The following TSHR variants were observed in gnomAD, a reference collection of about 807,000 sequenced individuals.
TSHR encodes thyroid stimulating hormone receptor.
TSHR carries 51 observed loss-of-function variants against 64.1 expected under a neutral mutation model. The ratio of observed to expected loss-of-function variants is 0.80; its 90% CI spans 0.64 to 1.01. The LOEUF (loss-of-function observed/expected upper bound fraction) is 1.01. TSHR is among the 50% of genes least tolerant of loss of function. TSHR has a pLI of 0.00. For synonymous variants in TSHR, 361 were observed against 361.9 expected (o/e 1.00, Z 0.03); for missense variants, 877 against 942.8 (o/e 0.93, Z 0.91).
chr14:81,133,083 T>C (rs145134757), intron 8 of TSHR, among the ~76,000 whole-genome samples: 58 of 152,354 alleles, frequency 3.8e-4, no homozygotes, highest in African/African-American at 1.4e-3. Context: ...TGTGGCTCAG[T>C]ACTCAACAAG....
At position 80,971,778 on chromosome 14, in the gene TSHR, G is replaced by T. The variant is rs1887602675; in HGVS notation, c.170+15928G>T. On this transcript the variant is annotated intron_variant, in intron 1 of 9. Transcript: ENST00000298171. Reference sequence around the variant, plus strand: ...AAACCTTGTATCCAATGATCTTCAAGAAGCCTTGGATTTCTGTTTACCAGT... The same window carrying T: ...AAACCTTGTATCCAATGATCTTCAATAAGCCTTGGATTTCTGTTTACCAGT... Among the ~76,000 whole-genome samples, 3 of 152,272 alleles carry T rather than the reference G, an allele frequency of 2.0e-5. No individual in the cohort carries two copies. In the South Asian group the frequency reaches 6.2e-4, roughly 32 times the overall value.
intron 1 of TSHR, among the ~76,000 whole-genome samples, chr14:81,004,835 A>C (rs1363544098): frequency 6.6e-6 from 1 of 152,218 alleles, no homozygotes; most frequent in Non-Finnish European, 1.5e-5. Flanking sequence ...CATATGTATG[A>C]GCAGGATGCC....
In TSHR at chr14:81,143,361, G is replaced by T; in HGVS notation, c.1303G>T (p.Val435Phe). Residue 435 changes from valine to phenylalanine, a missense_variant, in exon 10 of 10, where the codon GTC becomes TTC. Transcript: ENST00000298171. ...GCTGGCTCTCCTGGGCAATGTCTTT[G>T]TCCTGCTTATTCTCCTCACCAGCCA... ...SLLALLGNVF[V>F]LLILLTSHYK... is the part of the protein sequence containing the mutation. 1 of 1,614,158 alleles carries T rather than the reference G, an allele frequency of 6.2e-7. No homozygotes were observed. The highest frequency in any genetic ancestry group is 8.5e-7 in the Non-Finnish European group (1 of 1,180,032).
intron 1 of TSHR, among the ~76,000 whole-genome samples, chr14:80,965,273 AC>A (rs1174507170): frequency 1.3e-5 from 2 of 152,192 alleles, no homozygotes; most frequent in Non-Finnish European, 2.9e-5. Flanking sequence ...CAGTTTGCCA[AC>A]ATTCTGCATT....
intron 1 of TSHR, chr14:80,995,039 A>C (rs1475449083): frequency 2.0e-5 from 3 of 152,220 alleles, no homozygotes. Context: ...ACTTAAATTT[A>C]CAAAGAAAAA....
At chr14:81,000,179 G>A (rs189134696) in intron 1 of TSHR, among the ~76,000 whole-genome samples, 15 of 152,110 alleles carry the variant, frequency 9.9e-5, no homozygotes, top group African/African-American at 2.7e-4. Context: ...CAATCCGCCC[G>A]CCTTGGCCTC....
At chr14:81,115,279 T>C (rs1165228924) in intron 8 of TSHR, among the ~76,000 whole-genome samples, 12 of 151,578 alleles carry the variant, frequency 7.9e-5, no homozygotes, top group Non-Finnish European at 4.4e-5. Flanking sequence ...TTGAAAACTT[T>C]GAAAAAAATT....
At chr14:81,129,973 G>C (rs78822055) in intron 8 of TSHR, among the ~76,000 whole-genome samples, 2 of 151,934 alleles carry the variant, frequency 1.3e-5, no homozygotes, top group Non-Finnish European at 2.9e-5. Flanking sequence ...ACAATGTTTC[G>C]TGAATATGGA....
intron 3 of TSHR, among the ~76,000 whole-genome samples, chr14:81,079,141 G>C (rs1887711243): frequency 6.6e-6 from 1 of 152,186 alleles, no homozygotes; most frequent in Non-Finnish European, 1.5e-5. Context: ...CCCCTGGGTA[G>C]TAACTTCAGC....
At chr14:81,136,194 C>T (rs1317420779) in intron 8 of TSHR, among the ~76,000 whole-genome samples, 1 of 152,124 alleles carries the variant, frequency 6.6e-6, no homozygotes, top group Non-Finnish European at 1.5e-5. Flanking sequence ...AGTGACATTA[C>T]TCAATTCATA....
At chr14:81,007,164 A>G (rs151057506) in intron 1 of TSHR, among the ~76,000 whole-genome samples, 3 of 152,232 alleles carry the variant, frequency 2.0e-5, no homozygotes, top group Non-Finnish European at 4.4e-5. Flanking sequence ...AATTAGATTT[A>G]TATGAGGTCA....
At chr14:81,122,745 A>T (rs928831892) in intron 8 of TSHR, among the ~76,000 whole-genome samples, 1 of 152,206 alleles carries the variant, frequency 6.6e-6, no homozygotes, top group Admixed American at 6.5e-5. Context: ...GGGACATCAG[A>T]CACCAGACTG....
chr14:81,010,079 C>T (rs372359561), intron 1 of TSHR, among the ~76,000 whole-genome samples: 91 of 152,162 alleles, frequency 6.0e-4, no homozygotes, highest in African/African-American at 1.5e-3. Flanking sequence ...ATTCTTCTTG[C>T]TCTCATTTTC....
At chr14:81,109,927 C>A (rs1480993236) in intron 8 of TSHR, among the ~76,000 whole-genome samples, 2 of 152,136 alleles carry the variant, frequency 1.3e-5, no homozygotes, top group Non-Finnish European at 2.9e-5. Context: ...AATTTTTAAC[C>A]TGGAAGATAT....
At chr14:81,014,403 A>G (rs1450145947) in intron 1 of TSHR, 3 of 152,212 alleles carry the variant, frequency 2.0e-5, no homozygotes, top group African/African-American at 7.2e-5. Flanking sequence ...GGAAATTTGT[A>G]TCTAGGGGAT....
chr14:80,980,896 C>G (rs1357238548), intron 1 of TSHR, among the ~76,000 whole-genome samples: 1 of 152,156 alleles, frequency 6.6e-6, no homozygotes. Flanking sequence ...TCTGTCTAAT[C>G]CATTTCTGTT....
At chr14:80,991,366 C>T (rs923866473) in intron 1 of TSHR, among the ~76,000 whole-genome samples, 1 of 152,150 alleles carries the variant, frequency 6.6e-6, no homozygotes, top group African/African-American at 2.4e-5. Flanking sequence ...GAATATTTTT[C>T]TTCAGCAGAA....
At position 80,955,736 on chromosome 14, in the gene TSHR, T is replaced by C. The variant is rs1296628682; in HGVS notation, c.56T>C (p.Leu19Pro). The change falls in exon 1 of 10, where the codon CTG (leucine) becomes CCG (proline). Residue 19 changes from leucine (L) to proline (P), a missense_variant. Leu to Pro is a moderately conservative substitution (Grantham distance 98). Transcript: ENST00000298171. ...CTGCTGCTCGACCTGCCCAGGGACC[T>C]GGGCGGAATGGGGTGTTCGTCTCCA... ...LVLLLDLPRDLGGMGCSSPPC... is the reference protein window; with the variant it reads ...LVLLLDLPRDPGGMGCSSPPC... 2.9e-5 allele frequency: 47 copies of C among 1,614,030 alleles called. 1 individual carries two copies. Among genetic ancestry groups the C allele is most frequent in the Non-Finnish European group, 4.0e-5 (47 of 1,180,028 alleles).
rs184572612 is a variant in TSHR at position 81,068,969 on chromosome 14, G to A, written c.317+641G>A. 2.0e-4 allele frequency among the ~76,000 whole-genome samples: 30 copies of A among 152,082 alleles called. 1 individual carries two copies. The highest frequency in any genetic ancestry group is 1.7e-3 in the South Asian group (8 of 4,816). ...AAAAATAGAATAATTTTTCTATTTC[G>A]CTAGTAGATTACAATCTATAAAAAG... On this transcript the variant is annotated intron_variant, in intron 3 of 9. Coordinates refer to ENST00000298171, the MANE Select transcript of TSHR (RefSeq NM_000369.5).
Sources: allele counts gnomAD v4.1 joint callset (sites outside exome capture counted in the v4.1 genomes callset), GRCh38; gene constraint gnomAD v4.1.1; transcripts MANE v1.5; gene names NCBI Gene and HGNC (gene_info 2026-07-23, HGNC 2026-07-21).